CPXM2: variants seen among roughly 807,000 people sequenced by gnomAD.
CPXM2 encodes carboxypeptidase X, M14 family member 2.
CPXM2 carries 66 observed loss-of-function variants against 86.1 expected under a neutral mutation model. That is an observed-to-expected ratio of 0.77 (90% CI 0.63 to 0.94). The LOEUF (loss-of-function observed/expected upper bound fraction) is 0.94, where lower values mean the gene tolerates loss of function less well. Among genes scored for constraint, CPXM2 ranks in the 40% least tolerant of loss-of-function variants. The pLI, the probability that CPXM2 is intolerant of heterozygous loss-of-function variation, is 0.00. For missense variants in CPXM2, 948 were observed against 1,026.3 expected, an observed-to-expected ratio of 0.92 and a Z score of 1.04; for synonymous variants, 388 against 400.2, an observed-to-expected ratio of 0.97 and a Z score of 0.36.
intron 2 of CPXM2, among the ~76,000 whole-genome samples, chr10:123,904,110 C>T (rs1337192014): frequency 6.6e-6 from 1 of 152,216 alleles, no homozygotes; most frequent in Non-Finnish European, 1.5e-5. Flanking sequence ...AAAACCTTCC[C>T]AGTTATTTAT....
intron 3 of CPXM2, among the ~76,000 whole-genome samples, chr10:123,860,225 A>T (rs1848822540): frequency 6.6e-6 from 1 of 152,194 alleles, no homozygotes; most frequent in African/African-American, 2.4e-5. Context: ...GAGGAAGGAG[A>T]TGATCCAGGG....
At chr10:123,780,970 C>T (rs999791339) in intron 6 of CPXM2, among the ~76,000 whole-genome samples, 5 of 152,170 alleles carry the variant, frequency 3.3e-5, no homozygotes, top group African/African-American at 1.2e-4. Context: ...AAGCATGTTG[C>T]CCACTTGCTA....
In CPXM2 at chr10:123,780,268, A is replaced by T. The variant is rs1049538929; in HGVS notation, c.890-13T>A. On this transcript the variant is annotated splice_polypyrimidine_tract_variant and intron_variant, in intron 6 of 13. Transcript: ENST00000241305. ...TAATTATTAGGATCTAGGGACAGAA[A>T]CATGATTTTGCATTTACTCCCATCA... The T allele has an allele frequency of 2.6e-6, 4 of 1,553,324 alleles. No individual in the cohort carries two copies. Among genetic ancestry groups the T allele is most frequent in the Non-Finnish European group, 3.6e-6 (4 of 1,125,004 alleles).
At chr10:123,794,433 A>G (rs766494622) in intron 6 of CPXM2, among the ~76,000 whole-genome samples, 32 of 152,312 alleles carry the variant, frequency 2.1e-4, no homozygotes, top group Middle Eastern at 3.4e-3. Context: ...TAGTGGGGTA[A>G]TCATGTGCAA....
At chr10:123,889,680 A>G (rs1425098066) in intron 1 of CPXM2, among the ~76,000 whole-genome samples, 1 of 152,218 alleles carries the variant, frequency 6.6e-6, no homozygotes, top group Admixed American at 6.5e-5. Flanking sequence ...TGGCAGGTGC[A>G]GTCTTCCTAT....
At chr10:123,875,097 C>T (rs1944959374) in intron 2 of CPXM2, among the ~76,000 whole-genome samples, 1 of 152,196 alleles carries the variant, frequency 6.6e-6, no homozygotes. Flanking sequence ...AGGCTACAGC[C>T]AGCCCAGGAC....
At chr10:123,902,075 T>A (rs1416036074) in intron 2 of CPXM2, among the ~76,000 whole-genome samples, 3 of 152,228 alleles carry the variant, frequency 2.0e-5, no homozygotes, top group African/African-American at 7.2e-5. Context: ...AACCTAAGCT[T>A]ACAAACTATA....
rs931363491 is a variant in CPXM2 at position 123,865,680 on chromosome 10, G to A, written c.404-2957C>T. On this transcript the variant is annotated intron_variant, in intron 2 of 13. Transcript: ENST00000241305. This position sits in a 1 kb window ranked among gnomAD's most constrained non-coding sequence, Gnocchi z 4.7. ...GGTGCTGTTAGCAAAACAAGGGGACGCCAAATTCACAACCGACATGGGGCA... is the reference window on the plus strand; with the variant it reads ...GGTGCTGTTAGCAAAACAAGGGGACACCAAATTCACAACCGACATGGGGCA... Among the ~76,000 whole-genome samples, 22 of 152,114 alleles carry A rather than the reference G, an allele frequency of 1.4e-4. No homozygotes were observed. Among genetic ancestry groups the A allele is most frequent in the African/African-American group, 4.6e-4 (19 of 41,404 alleles).
In CPXM2 at chr10:123,938,490, CTCTT is replaced by C. The variant is rs199564359; in HGVS notation, n.174+983_174+986del. On this transcript the variant is annotated intron_variant and non_coding_transcript_variant, in intron 2 of 19. Coordinates refer to the CPXM2 transcript ENST00000368854. ...GAGGAGAGTAGCTCTTTCCCCTTGT[CTCTT>C]TCTTTTTACTAGGAAGGGAACAATT... Among the ~76,000 whole-genome samples the C allele has an allele frequency of 4.4e-3, 667 of 152,308 alleles. 14 individuals carry two copies. The highest frequency in any genetic ancestry group is 0.042 in the Admixed American group (641 of 15,300).
chr10:123,898,176 T>C (rs1945353031), intron 2 of CPXM2, among the ~76,000 whole-genome samples: 2 of 152,170 alleles, frequency 1.3e-5, no homozygotes, highest in South Asian at 4.1e-4. Context: ...CCTAATGACT[T>C]TGAAAATCTA....
At chr10:123,844,467 C>T (rs1331777901) in intron 3 of CPXM2, among the ~76,000 whole-genome samples, 1 of 151,732 alleles carries the variant, frequency 6.6e-6, no homozygotes, top group African/African-American at 2.4e-5. Flanking sequence ...GAAAGCACAC[C>T]AATGCCCCTA....
At chr10:123,888,853 G>A (rs1042970394) in intron 1 of CPXM2, among the ~76,000 whole-genome samples, 1 of 152,192 alleles carries the variant, frequency 6.6e-6, no homozygotes, top group East Asian at 1.9e-4. Flanking sequence ...TGTCCCAACA[G>A]GCCTCTGATG....
intron 4 of CPXM2, among the ~76,000 whole-genome samples, chr10:123,810,681 AT>A (rs1847671065): frequency 6.6e-6 from 1 of 152,134 alleles, no homozygotes; most frequent in African/African-American, 2.4e-5. Flanking sequence ...ATTGAATAAC[AT>A]TTTAAAAGAC....
At position 123,891,165 on chromosome 10, in the gene CPXM2, G is replaced by A. The variant is rs919981230; in HGVS notation, c.304+191C>T. ...GAGCTGAAATGCATGTCAGGGTCAA[G>A]GACAAGTTCTGGGAAGCTGGGCGGG... On this transcript the variant is annotated intron_variant, in intron 1 of 13. Transcript: ENST00000241305. The surrounding 1 kb of genome is among the most constrained non-coding windows in gnomAD (Gnocchi z 5.6). Among the ~76,000 whole-genome samples, 4 of 152,258 alleles carry A rather than the reference G, an allele frequency of 2.6e-5. No individual in the cohort carries two copies. Among genetic ancestry groups the A allele is most frequent in the Non-Finnish European group, 5.9e-5 (4 of 68,040 alleles).
At chr10:123,853,823 T>A (rs1046805794) in intron 3 of CPXM2, among the ~76,000 whole-genome samples, 2 of 152,108 alleles carry the variant, frequency 1.3e-5, no homozygotes, top group African/African-American at 4.8e-5. Context: ...AAGAATCACT[T>A]GAACCCGGGA....
At chr10:123,804,498 C>T (rs1339413284) in intron 4 of CPXM2, among the ~76,000 whole-genome samples, 1 of 152,088 alleles carries the variant, frequency 6.6e-6, no homozygotes, top group Non-Finnish European at 1.5e-5. Context: ...TTTACTTCCT[C>T]CTTATTTGTT....
intron 2 of CPXM2, among the ~76,000 whole-genome samples, chr10:123,915,884 C>T (rs1368599227): frequency 6.6e-6 from 1 of 152,114 alleles, no homozygotes; most frequent in Non-Finnish European, 1.5e-5. Context: ...GGAGTTCCGC[C>T]GAATACTCCT....
In CPXM2 at chr10:123,750,008, T is replaced by C. The variant is rs550515004; in HGVS notation, c.2018-2991A>G. 1,183 of 302,712 alleles carry C rather than the reference T, an allele frequency of 3.9e-3. 22 individuals carry two copies. The highest frequency in any genetic ancestry group is 0.028 in the African/African-American group (1,091 of 38,932). 18.8% of individuals were successfully genotyped at this position (302,712 alleles called of 1,614,324 possible). On this transcript the variant is annotated intron_variant, in intron 13 of 13. Transcript: ENST00000241305. Reference sequence around the variant, plus strand: ...TTTTTTTTTTTTTTTTTAGTAGAGATGGGGTTTCACCATATTGGCCAGGCT... The same window carrying C: ...TTTTTTTTTTTTTTTTTAGTAGAGACGGGGTTTCACCATATTGGCCAGGCT...
intron 2 of CPXM2, among the ~76,000 whole-genome samples, chr10:123,897,552 CAT>C (rs1248764689): frequency 6.6e-6 from 1 of 152,092 alleles, no homozygotes; most frequent in African/African-American, 2.4e-5. Flanking sequence ...GGCGGAGTGG[CAT>C]AGTGTGTCAG....
Sources: gnomAD v4.1 joint callset for allele counts (sites outside exome capture counted in the v4.1 genomes callset) on GRCh38, gnomAD v4.1.1 for gene constraint, Gnocchi (gnomAD v3.1) non-coding constraint, MANE v1.5 for transcripts, NCBI Gene and HGNC (gene_info 2026-07-23, HGNC 2026-07-21) for gene names.